Variants in NRCAM observed in about 807,000 individuals in gnomAD.
NRCAM encodes the protein NgCAM-related cell adhesion molecule.
NRCAM carries 83 observed loss-of-function variants against 156.5 expected under a neutral mutation model. The observed-to-expected ratio is 0.53, with a 90% CI of 0.44 to 0.64. The LOEUF is 0.64. NRCAM is among the 30% of genes least tolerant of loss of function. NRCAM has a pLI of 0.00. For missense variants in NRCAM, 1,417 were observed against 1,597.3 expected, an observed-to-expected ratio of 0.89 and a Z score of 1.92; for synonymous variants, 538 against 563.9, an observed-to-expected ratio of 0.95 and a Z score of 0.65.
At chr7:108,366,977 A>C (rs1387098151) in intron 2 of NRCAM, among the ~76,000 whole-genome samples, 1 of 152,238 alleles carries the variant, frequency 6.6e-6, no homozygotes, top group Non-Finnish European at 1.5e-5. Flanking sequence ...ACTGTATCCA[A>C]GGATAAGTGA....
intron 2 of NRCAM, among the ~76,000 whole-genome samples, chr7:108,335,373 G>A (rs760869927): frequency 6.7e-6 from 1 of 149,066 alleles, no homozygotes; most frequent in African/African-American, 2.5e-5. Flanking sequence ...ATAAGAGAGT[G>A]GAAACTTCCC....
chr7:108,296,506 T>A (rs902690762), intron 3 of NRCAM, among the ~76,000 whole-genome samples: 4 of 151,804 alleles, frequency 2.6e-5, no homozygotes, highest in African/African-American at 9.7e-5. Flanking sequence ...AGCAACTCAA[T>A]AAATATAGAA....
intron 3 of NRCAM, among the ~76,000 whole-genome samples, chr7:108,245,529 AT>A (rs900995910): frequency 5.3e-5 from 8 of 152,296 alleles, no homozygotes; most frequent in African/African-American, 1.7e-4. Flanking sequence ...TAAAAAGTTA[AT>A]TTTAAAAGTA....
At chr7:108,305,229 C>T (rs1022994023) in intron 3 of NRCAM, among the ~76,000 whole-genome samples, 9 of 152,086 alleles carry the variant, frequency 5.9e-5, no homozygotes, top group African/African-American at 1.7e-4. Context: ...CAAATCAAAT[C>T]GATTTGAAGA....
intron 2 of NRCAM, among the ~76,000 whole-genome samples, chr7:108,392,054 G>A (rs1366717482): frequency 1.3e-5 from 2 of 152,090 alleles, no homozygotes; most frequent in African/African-American, 2.4e-5. Context: ...TATGTGTCTT[G>A]GAGTTGCTCT....
chr7:108,211,681 C>A (rs1031548381), intron 11 of NRCAM, among the ~76,000 whole-genome samples: 5 of 152,056 alleles, frequency 3.3e-5, no homozygotes, highest in African/African-American at 9.7e-5. Context: ...CAGAGGCAGC[C>A]TTAATCCTCC....
chr7:108,341,641 T>C (rs2099278392), intron 2 of NRCAM, among the ~76,000 whole-genome samples: 1 of 152,162 alleles, frequency 6.6e-6, no homozygotes, highest in South Asian at 2.1e-4. Flanking sequence ...AAGGACAATA[T>C]GGATGAGCAA....
At chr7:108,368,224 A>ACCCC (rs67897117) in intron 2 of NRCAM, among the ~76,000 whole-genome samples, 8 of 91,088 alleles carry the variant, frequency 8.8e-5, no homozygotes, top group Non-Finnish European at 1.3e-4. Context: ...ACACTTTCAT[A>ACCCC]CCCCCCCCCA....
At chr7:108,239,026 A>G (rs946900309) in intron 4 of NRCAM, among the ~76,000 whole-genome samples, 7 of 152,170 alleles carry the variant, frequency 4.6e-5, no homozygotes, top group African/African-American at 1.7e-4. Context: ...AGCTTGCCAA[A>G]CAGATATTCT....
chr7:108,209,977 T>C (rs2083198821), intron 11 of NRCAM, among the ~76,000 whole-genome samples: 1 of 152,204 alleles, frequency 6.6e-6, no homozygotes, highest in Admixed American at 6.5e-5. Context: ...TTAATGATAC[T>C]GAATTATAAT....
intron 1 of NRCAM, among the ~76,000 whole-genome samples, chr7:108,404,415 T>C (rs549615542): frequency 6.6e-6 from 1 of 152,338 alleles, no homozygotes; most frequent in South Asian, 2.1e-4. Flanking sequence ...ATTTTGAGGC[T>C]TATTTTTCAT....
Position 108,184,509 on chromosome 7 carries a change from T to A in NRCAM, c.2141A>T (p.Tyr714Phe), listed in dbSNP as rs761042000. The change falls in exon 21 of 33, where the codon TAC (tyrosine) becomes TTC (phenylalanine). Residue 714 changes from tyrosine to phenylalanine, a missense_variant. Tyr to Phe is a conservative substitution (Grantham distance 22). This residue lies in a region of NRCAM where 1,238 missense variants were observed against 1,336.4 expected (regional missense o/e 0.93). Transcript: ENST00000379028. ...CATCACGCGGAAGGAGTAGTTCACG[T>A]AAGGAGACAGCTTCAGCTGGGCTGT... ...QTTAQLKLSP[Y>F]VNYSFRVMAV... The A allele has an allele frequency of 2.5e-6, 4 of 1,614,162 alleles. No homozygotes were observed. In the Admixed American group the frequency reaches 6.7e-5, roughly 27 times the overall value.
chr7:108,259,908 T>C (rs2096828915), intron 3 of NRCAM, among the ~76,000 whole-genome samples: 1 of 152,224 alleles, frequency 6.6e-6, no homozygotes, highest in Admixed American at 6.5e-5. Flanking sequence ...TACCAAGGTG[T>C]TGGGTTGATA....
chr7:108,370,155 C>T (rs903073572), intron 2 of NRCAM, among the ~76,000 whole-genome samples: 2 of 151,794 alleles, frequency 1.3e-5, no homozygotes, highest in African/African-American at 4.8e-5. Flanking sequence ...CTCAAAGTGC[C>T]CCAGAGATAT....
chr7:108,377,408 T>G (rs559781194), intron 2 of NRCAM, among the ~76,000 whole-genome samples: 162 of 152,242 alleles, frequency 1.1e-3, no homozygotes, highest in East Asian at 1.5e-3. Flanking sequence ...TCAACAAACC[T>G]AGCTATAAAT....
At chr7:108,319,082 T>C (rs1329097629) in intron 2 of NRCAM, among the ~76,000 whole-genome samples, 1 of 152,130 alleles carries the variant, frequency 6.6e-6, no homozygotes, top group Non-Finnish European at 1.5e-5. Context: ...CACAACAATA[T>C]AAATGTACTT....
chr7:108,450,854 T>C (rs1353741278), intron 1 of NRCAM, among the ~76,000 whole-genome samples: 15 of 152,200 alleles, frequency 9.9e-5, no homozygotes, highest in Non-Finnish European at 2.2e-4. Flanking sequence ...TATTAATAAA[T>C]GTTAAACCAA....
chr7:108,385,965 G>A lies in NRCAM; in HGVS notation c.-174+13471C>T, dbSNP rs184143706. Among the ~76,000 whole-genome samples, 9 of 152,226 alleles carry A rather than the reference G, an allele frequency of 5.9e-5. No homozygotes were observed. In the East Asian group the frequency reaches 1.7e-3, roughly 29 times the overall value. On this transcript the variant is annotated intron_variant, in intron 2 of 32. Transcript: ENST00000379028. ...AGAGAGAATATGAATATCAATGCGA[G>A]TATGTAAGCAGAGCTGTTTTAGGTC...
chr7:108,391,507 A>G (rs1367711934), intron 2 of NRCAM, among the ~76,000 whole-genome samples: 2 of 151,866 alleles, frequency 1.3e-5, no homozygotes, highest in African/African-American at 2.4e-5. Context: ...CAGCACACTG[A>G]TGGGTCTTGA....
Sources: gnomAD v4.1 joint callset for allele counts (sites outside exome capture counted in the v4.1 genomes callset) on GRCh38, gnomAD v4.1.1 for gene constraint, gnomAD v4.1.1 regional missense constraint, MANE v1.5 for transcripts, NCBI Gene and HGNC (gene_info 2026-07-23, HGNC 2026-07-21) for gene names.